Variants in RXYLT1 observed in about 807,000 individuals in gnomAD.
RXYLT1 encodes ribitol xylosyltransferase 1, also known as ribitol-5-phosphate xylosyltransferase 1.
RXYLT1 carries 41 observed loss-of-function variants against 43.5 expected under a neutral mutation model. The ratio of observed to expected loss-of-function variants is 0.94; its 90% CI spans 0.73 to 1.22. RXYLT1 has a LOEUF of 1.22. RXYLT1 is among the 50% of genes most tolerant of loss of function. RXYLT1 has a pLI of 0.00. For synonymous variants in RXYLT1, 166 were observed against 194.4 expected, an observed-to-expected ratio of 0.85 and a Z score of 1.21; for missense variants, 514 against 532.0, an observed-to-expected ratio of 0.97 and a Z score of 0.33.
intron 2 of RXYLT1, 46 bp downstream of exon 2, chr12:63,781,220 T>A (rs933066979): frequency 5.1e-6 from 7 of 1,365,880 alleles, no homozygotes; most frequent in Non-Finnish European, 6.7e-6. Context: ...CATTATAAAA[T>A]GTATTTTATT....
At chr12:63,781,323 T>C (rs1372462169) in intron 2 of RXYLT1, 149 bp downstream of exon 2, 2 of 760,612 alleles carry the variant, frequency 2.6e-6, no homozygotes, top group Non-Finnish European at 1.9e-6. Context: ...AATTCCTTTC[T>C]CCTTCCAATT....
intron 5 of RXYLT1, 180 bp from the exon 6 acceptor site, chr12:63,808,495 A>G (rs894002384): frequency 4.8e-6 from 3 of 626,204 alleles, no homozygotes; most frequent in Admixed American, 7.1e-5. Flanking sequence ...AAAATGTTCC[A>G]ATTCTTCAAC....
intron 2 of RXYLT1, chr12:63,782,779 C>T: frequency 3.3e-6 from 1 of 300,194 alleles, no homozygotes; most frequent in South Asian, 2.9e-5. Flanking sequence ...CCTTCTGAGG[C>T]ACTAGCAAAA....
At position 63,779,917 on chromosome 12, in the gene RXYLT1, G is replaced by A. The variant is rs148654258; in HGVS notation, c.-44G>A. 4.2e-4 allele frequency: 681 copies of A among 1,605,520 alleles called. 3 individuals carry two copies. The African/African-American group carries it at 7.5e-3, about 18-fold the overall frequency. ...CGCCGGTGTCGCGGATTCTCTTTCCGCCCGCTCCATGGCGGTGGATGCCTG... is the reference window on the plus strand; with the variant it reads ...CGCCGGTGTCGCGGATTCTCTTTCCACCCGCTCCATGGCGGTGGATGCCTG... On this transcript the variant is annotated 5_prime_UTR_variant, in exon 1 of 6. Coordinates refer to ENST00000261234, the MANE Select transcript of RXYLT1 (RefSeq NM_014254.3).
Position 63,780,114 on chromosome 12 carries a change from G to C in RXYLT1, c.154G>C (p.Glu52Gln), listed in dbSNP as rs570064856. The stretch of plus-strand genomic sequence containing the variant: ...CAGGAAGGGGGCGGCCCCCGCGCGG[G>C]AGAGACGCGGCCGAGGTAGGACTGG... ...GLRKGAAPAR[E>Q]RRGREQSTLE... Residue 52 changes from glutamate to glutamine, a missense_variant, in exon 1 of 6, where the codon GAG becomes CAG. By Grantham distance (29) the Glu-to-Gln change is conservative. Transcript: ENST00000261234. The C allele has an allele frequency of 6.5e-7, 1 of 1,527,642 alleles. No homozygotes were observed. The highest frequency in any genetic ancestry group is 1.2e-5 in the South Asian group (1 of 83,006). The allele number at this position is 1,527,642 out of a possible 1,614,324, so 94.6% of individuals were successfully genotyped here. A position where few individuals can be genotyped will look rare whatever the true frequency, so the allele number is the denominator to read the frequency against.
chr12:63,781,710 T>C (rs1301619312), intron 2 of RXYLT1, among the ~76,000 whole-genome samples: 2 of 152,204 alleles, frequency 1.3e-5, no homozygotes, highest in Non-Finnish European at 2.9e-5. Flanking sequence ...GTGAATATCA[T>C]GAGAGTGTAG....
intron 3 of RXYLT1, among the ~76,000 whole-genome samples, chr12:63,787,429 A>T (rs1312348735): frequency 6.6e-6 from 1 of 152,168 alleles, no homozygotes; most frequent in African/African-American, 2.4e-5. Flanking sequence ...AAAGTCATCC[A>T]TGAGGGTTTA....
chr12:63,781,024 T>G lies in RXYLT1; in HGVS notation c.175T>G (p.Ser59Ala). 1 of 1,595,666 alleles carries G rather than the reference T, an allele frequency of 6.3e-7. No individual in the cohort carries two copies. The highest frequency in any genetic ancestry group is 8.5e-7 in the Non-Finnish European group (1 of 1,172,972). Residue 59 changes from serine to alanine, a missense_variant, in exon 2 of 6, where the codon TCC becomes GCC. Transcript: ENST00000261234. ...PARERRGREQ[S>A]TLESEEWNPW... ...ACTTACTCTTTTTAAAACAGAACAG[T>G]CCACTTTGGAAAGTGAAGAATGGAA...
At position 63,780,080 on chromosome 12, in the gene RXYLT1, G is replaced by A. The variant is rs368499199; in HGVS notation, c.120G>A (p.Pro40=). The change falls in exon 1 of 6, where the codon CCG becomes CCA. Residue 40 remains proline, a synonymous_variant. Coordinates refer to ENST00000261234, the MANE Select transcript of RXYLT1 (RefSeq NM_014254.3). ...GRRRQAPAGS[P]RGLRKGAAPA... ...GCCGCCAGGCGCCGGCCGGGTCCCC[G>A]CGGGGCCTCAGGAAGGGGGCGGCCC... The A allele has an allele frequency of 7.5e-5, 119 of 1,593,442 alleles. No individual in the cohort carries two copies. Among genetic ancestry groups the A allele is most frequent in the Non-Finnish European group, 9.6e-5 (113 of 1,173,594 alleles).
intron 3 of RXYLT1, among the ~76,000 whole-genome samples, chr12:63,797,482 C>T (rs917489436): frequency 1.3e-5 from 2 of 152,040 alleles, no homozygotes; most frequent in South Asian, 2.1e-4. Flanking sequence ...ATTATATTCC[C>T]AGCAGAAGTG....
chr12:63,807,118 T>C (rs1361958807), intron 5 of RXYLT1: 1 of 152,314 alleles, frequency 6.6e-6, no homozygotes, highest in East Asian at 1.9e-4. Flanking sequence ...GCTCATTCCG[T>C]GTAATAATCT....
intron 3 of RXYLT1, among the ~76,000 whole-genome samples, chr12:63,793,167 C>T (rs1447122561): frequency 6.6e-6 from 1 of 152,118 alleles, no homozygotes; most frequent in East Asian, 1.9e-4. Flanking sequence ...CAGTTATAAC[C>T]TCATCTTGAC....
intron 3 of RXYLT1, among the ~76,000 whole-genome samples, chr12:63,793,113 TC>T (rs1897953755): frequency 6.6e-6 from 1 of 152,224 alleles, no homozygotes; most frequent in Admixed American, 6.5e-5. Flanking sequence ...GAAATTCTTA[TC>T]TATGCTTTGG....
rs756165715 is a variant in RXYLT1 at position 63,805,256 on chromosome 12, G to A, written c.766G>A (p.Glu256Lys). 6.3e-7 allele frequency: 1 copy of A among 1,599,886 alleles called. No individual in the cohort carries two copies. Among genetic ancestry groups the A allele is most frequent in the South Asian group, 1.1e-5 (1 of 87,630 alleles). ...TAGATACAGGAATTTTCCTGTGGTG[G>A]AGGCAAGTTGGTCAATGCTGCATGA... The part of the protein sequence containing the change: ...VATYRNFPVV[E>K]ASWSMLHDER... Residue 256 changes from glutamate (E) to lysine (K), a missense_variant, in exon 5 of 6, where the codon GAG becomes AAG. By Grantham distance (56) the Glu-to-Lys change is moderately conservative. Coordinates refer to ENST00000261234, the MANE Select transcript of RXYLT1 (RefSeq NM_014254.3).
At chr12:63,783,947 C>T (rs1454907322) in intron 2 of RXYLT1, among the ~76,000 whole-genome samples, 3 of 152,134 alleles carry the variant, frequency 2.0e-5, no homozygotes, top group Non-Finnish European at 2.9e-5. Flanking sequence ...CCCCACATCA[C>T]TCTGACCTCT....
chr12:63,780,148 C>T lies in RXYLT1; in HGVS notation c.169+19C>T, dbSNP rs750569990. The T allele has an allele frequency of 1.7e-5, 24 of 1,454,218 alleles. No individual in the cohort carries two copies. In the South Asian group the frequency reaches 2.5e-4, roughly 15 times the overall value. 90.1% of individuals were successfully genotyped at this position (1,454,218 alleles called of 1,614,324 possible). A position where few individuals can be genotyped will look rare whatever the true frequency, so the allele number is the denominator to read the frequency against. On this transcript the variant is annotated intron_variant, in intron 1 of 5. Transcript: ENST00000261234. ...GGCCGAGGTAGGACTGGGTCGGCGG[C>T]TTCCTTCCGGCTCTGCGCTCCTGGC...
Position 63,802,170 on chromosome 12 carries a change from G to C in RXYLT1, c.508G>C (p.Glu170Gln), listed in dbSNP as rs201894421. 1.5e-5 allele frequency: 25 copies of C among 1,613,900 alleles called. No individual in the cohort carries two copies. The highest frequency in any genetic ancestry group is 1.6e-4 in the Middle Eastern group (1 of 6,084). ...TGTGGTACTCATTTTAAATGGAAGA[G>C]AAAAAGCAAAGATCTTTTATGCCAC... The part of the protein sequence containing the change: ...NNVVLILNGR[E>Q]KAKIFYATQW... Residue 170 changes from glutamate (E) to glutamine (Q), a missense_variant, in exon 4 of 6, where the codon GAA (glutamate) becomes CAA (glutamine). Coordinates refer to ENST00000261234, the MANE Select transcript of RXYLT1 (RefSeq NM_014254.3).
At chr12:63,804,062 A>G (rs1298521053) in intron 4 of RXYLT1, 1 of 152,240 alleles carries the variant, frequency 6.6e-6, no homozygotes, top group African/African-American at 2.4e-5. Flanking sequence ...CATGTTGGCC[A>G]GGCTGGTCTC....
intron 1 of RXYLT1, 130 bp downstream of exon 1, chr12:63,780,259 C>G (rs1485658860): frequency 5.8e-6 from 8 of 1,370,932 alleles, no homozygotes; most frequent in Non-Finnish European, 7.5e-6. Flanking sequence ...GCGCTTTGCC[C>G]CCTACAGCCT....
Sources: gnomAD v4.1 joint callset for allele counts (sites outside exome capture counted in the v4.1 genomes callset) on GRCh38, gnomAD v4.1.1 for gene constraint, MANE v1.5 for transcripts, NCBI Gene and HGNC (gene_info 2026-07-23, HGNC 2026-07-21) for gene names.